DSCAML1: variants seen among roughly 807,000 people sequenced by gnomAD.
DSCAML1 encodes the protein DS cell adhesion molecule like 1, also known as cell adhesion molecule DSCAML1.
Under a neutral mutation model 200.5 loss-of-function variants are expected in DSCAML1, and 38 were observed. The observed-to-expected ratio is 0.19, with a 90% CI of 0.15 to 0.25. DSCAML1 has a LOEUF of 0.25. Ranked by LOEUF, DSCAML1 falls within the 10% of genes least tolerant of loss-of-function variation. The pLI, the probability that DSCAML1 is intolerant of heterozygous loss-of-function variation, is 1.00. For missense variants in DSCAML1, 2,223 were observed against 2,858.8 expected (o/e 0.78, Z 5.07); for synonymous variants, 1,215 against 1,165.0 (o/e 1.04, Z -0.87).
intron 3 of DSCAML1, among the ~76,000 whole-genome samples, chr11:117,719,073 A>C (rs1361603081): frequency 6.6e-6 from 1 of 152,162 alleles, no homozygotes; most frequent in Non-Finnish European, 1.5e-5. Context: ...TAAGTGTTTT[A>C]GTGCATAATC....
chr11:117,484,023 C>CGCCCCCCCCCCCT (rs1555175660), intron 11 of DSCAML1, among the ~76,000 whole-genome samples: 1 of 139,010 alleles, frequency 7.2e-6, no homozygotes, highest in African/African-American at 2.6e-5. Flanking sequence ...GTTCCCTGCC[C>CGCCCCCCCCCCCT]GCCCCCCGCC....
At chr11:117,599,404 C>T (rs1229679954) in intron 3 of DSCAML1, among the ~76,000 whole-genome samples, 1 of 152,218 alleles carries the variant, frequency 6.6e-6, no homozygotes, top group Non-Finnish European at 1.5e-5. Flanking sequence ...TACTCATTCT[C>T]ATAGCATTAT....
intron 23 of DSCAML1, 74 bp downstream of exon 23, chr11:117,439,192 T>G (rs2047987784): frequency 6.4e-7 from 1 of 1,568,468 alleles, no homozygotes; most frequent in Non-Finnish European, 8.7e-7. Flanking sequence ...TCGATGACCC[T>G]CTCGCATGAT....
intron 1 of DSCAML1, among the ~76,000 whole-genome samples, chr11:117,787,045 T>A (rs2055369011): frequency 6.6e-6 from 1 of 152,186 alleles, no homozygotes; most frequent in Admixed American, 6.5e-5. Flanking sequence ...CCACTCTGTC[T>A]CCTGGGCACA....
At chr11:117,429,728 G>A (rs751856895) in intron 32 of DSCAML1, among the ~76,000 whole-genome samples, 34 of 152,228 alleles carry the variant, frequency 2.2e-4, no homozygotes, top group African/African-American at 5.8e-4. Context: ...GACCTCCACC[G>A]CCTGACCCCC....
intron 3 of DSCAML1, among the ~76,000 whole-genome samples, chr11:117,555,534 C>T (rs534181639): frequency 6.6e-6 from 1 of 152,136 alleles, no homozygotes; most frequent in East Asian, 1.9e-4. Flanking sequence ...CTGAAGGACA[C>T]GTGTGTCTTC....
At chr11:117,706,554 G>C (rs1420416166) in intron 3 of DSCAML1, among the ~76,000 whole-genome samples, 1 of 152,194 alleles carries the variant, frequency 6.6e-6, no homozygotes, top group Non-Finnish European at 1.5e-5. Flanking sequence ...TTCTGGGCCG[G>C]ATTGACTTTT....
chr11:117,453,726 A>ATT (rs1555170596), intron 19 of DSCAML1, among the ~76,000 whole-genome samples: 1 of 136,206 alleles, frequency 7.3e-6, no homozygotes, highest in African/African-American at 2.8e-5. Flanking sequence ...TTAGGTGTGG[A>ATT]TTTCTTTCTT....
At chr11:117,481,101 T>G in intron 13 of DSCAML1, 73 bp downstream of exon 13, 10 of 1,406,082 alleles carry the variant, frequency 7.1e-6, no homozygotes, top group South Asian at 1.2e-5. Flanking sequence ...CCCCTGCTCT[T>G]TGAGGTGGAG....
Position 117,516,473 on chromosome 11 carries a change from C to T in DSCAML1, c.1777G>A (p.Val593Ile), listed in dbSNP as rs772587336. ...LSISQSVHVA[V>I]KVPPLIQPFE... ...GCTGGTGAGGGAGGCCTACCTTTGA[C>T]GGCTACGTGAACGCTCTGGCTGATG... The change falls in exon 8 of 33, where the codon GTC becomes ATC. Residue 593 changes from valine to isoleucine, a missense_variant. Physicochemically the swap from Val to Ile is conservative, Grantham distance 29. Transcript: ENST00000651296. This position sits in a 1 kb window ranked among gnomAD's most constrained non-coding sequence, Gnocchi z 5.7. 1.3e-5 allele frequency: 21 copies of T among 1,611,388 alleles called. No individual in the cohort carries two copies. Among genetic ancestry groups the T allele is most frequent in the African/African-American group, 2.7e-5 (2 of 74,900 alleles).
chr11:117,711,779 T>A (rs2053854480), intron 3 of DSCAML1, among the ~76,000 whole-genome samples: 1 of 152,214 alleles, frequency 6.6e-6, no homozygotes, highest in Non-Finnish European at 1.5e-5. Context: ...TCCTTACAAC[T>A]GGCCTATCAT....
rs755465641 is a variant in DSCAML1 at position 117,428,785 on chromosome 11, G to A, written c.5705C>T (p.Pro1902Leu). Residue 1902 changes from proline (P) to leucine (L), a missense_variant, in exon 33 of 33, where the codon CCC becomes CTC. Physicochemically the swap from Pro to Leu is moderately conservative, Grantham distance 98 (BLOSUM62 -3). Coordinates refer to ENST00000651296, the MANE Select transcript of DSCAML1 (RefSeq NM_020693.4). ...RANKSDYCNL[P>L]LYAKSEAFFR... is the part of the protein sequence containing the mutation. ...GAAGGCCTCTGACTTGGCATACAGG[G>A]GCAGGTTGCAGTAGTCACCTGGAAT... is the stretch of plus-strand genomic sequence containing the variant. 4 of 1,605,620 alleles carry A rather than the reference G, an allele frequency of 2.5e-6. No individual in the cohort carries two copies. In the East Asian group the frequency reaches 8.9e-5, roughly 36 times the overall value.
intron 11 of DSCAML1, among the ~76,000 whole-genome samples, chr11:117,484,030 C>T (rs894548776): frequency 4.7e-5 from 7 of 148,622 alleles, no homozygotes; most frequent in Admixed American, 2.0e-4. Flanking sequence ...GCCCGCCCCC[C>T]GCCCCTGCCC....
At chr11:117,608,539 G>A (rs1332699351) in intron 3 of DSCAML1, among the ~76,000 whole-genome samples, 1 of 152,108 alleles carries the variant, frequency 6.6e-6, no homozygotes, top group African/African-American at 2.4e-5. Context: ...AACATTATAC[G>A]AGAACATTTT....
chr11:117,671,254 G>GGAGCCCCAAACCCTCGCTTCATA (rs1348142251), intron 3 of DSCAML1, among the ~76,000 whole-genome samples: 16 of 152,328 alleles, frequency 1.1e-4, no homozygotes, highest in Admixed American at 3.9e-4. Flanking sequence ...TAGAAATCAT[G>GGAGCCCCAAACCCTCGCTTCATA]GAGCCCCAAA....
chr11:117,442,398 TGC>T (rs1309411865), intron 21 of DSCAML1, among the ~76,000 whole-genome samples: 3 of 152,114 alleles, frequency 2.0e-5, no homozygotes, highest in Non-Finnish European at 2.9e-5. Context: ...TGCATGTGTG[TGC>T]ACATTAGTAT....
At chr11:117,548,858 G>C (rs2050424102) in intron 3 of DSCAML1, among the ~76,000 whole-genome samples, 1 of 152,198 alleles carries the variant, frequency 6.6e-6, no homozygotes, top group South Asian at 2.1e-4. Context: ...GAGTTACCGG[G>C]AGGAGTCGCT....
At chr11:117,759,085 A>T (rs2054751553) in intron 3 of DSCAML1, among the ~76,000 whole-genome samples, 1 of 152,092 alleles carries the variant, frequency 6.6e-6, no homozygotes, top group Non-Finnish European at 1.5e-5. Flanking sequence ...CCCCAATACA[A>T]ATCCACCCTG....
chr11:117,625,514 A>C (rs544506155), intron 3 of DSCAML1, among the ~76,000 whole-genome samples: 1 of 152,138 alleles, frequency 6.6e-6, no homozygotes, highest in Non-Finnish European at 1.5e-5. Context: ...TTTAGAAAGG[A>C]GGAAACTGGG....
Sources: gnomAD v4.1 joint callset for allele counts (sites outside exome capture counted in the v4.1 genomes callset) on GRCh38, gnomAD v4.1.1 for gene constraint, Gnocchi (gnomAD v3.1) non-coding constraint, MANE v1.5 for transcripts, NCBI Gene and HGNC (gene_info 2026-07-23, HGNC 2026-07-21) for gene names.